The following TMEM120B variants were observed in gnomAD, a reference collection of about 807,000 sequenced individuals.
TMEM120B encodes the protein transmembrane protein 120B.
TMEM120B carries 31 observed loss-of-function variants against 55.5 expected under a neutral mutation model. The observed-to-expected ratio is 0.56, with a 90% CI of 0.42 to 0.75. TMEM120B has a LOEUF of 0.75. Among genes scored for constraint, TMEM120B ranks in the 30% least tolerant of loss-of-function variants. The pLI is 0.00. For synonymous variants in TMEM120B, 203 were observed against 176.3 expected (o/e 1.15, Z -1.20); for missense variants, 399 against 425.5 (o/e 0.94, Z 0.55).
chr12:121,763,088 GC>G (rs1478503331), intron 6 of TMEM120B, among the ~76,000 whole-genome samples: 3 of 151,344 alleles, frequency 2.0e-5, no homozygotes. Flanking sequence ...CCCATGACTT[GC>G]CACCTGGAGG....
chr12:121,752,658 CA>C (rs1873366799), intron 5 of TMEM120B, among the ~76,000 whole-genome samples: 2 of 152,014 alleles, frequency 1.3e-5, no homozygotes, highest in African/African-American at 4.8e-5. Flanking sequence ...AAGGGTGAGA[CA>C]GGAGAATCGC....
chr12:121,727,051 A>G (rs1168815289), intron 1 of TMEM120B, among the ~76,000 whole-genome samples: 5 of 151,538 alleles, frequency 3.3e-5, no homozygotes, highest in Admixed American at 3.3e-4. Flanking sequence ...TACAAAAATT[A>G]GTCAGTTTCA....
intron 6 of TMEM120B, among the ~76,000 whole-genome samples, chr12:121,767,253 C>T (rs1419626380): frequency 3.9e-5 from 6 of 152,126 alleles, no homozygotes; most frequent in African/African-American, 7.2e-5. Flanking sequence ...CTCCGCGTCC[C>T]GGGTTCACGC....
At chr12:121,749,275 A>G (rs980709650) in intron 3 of TMEM120B, among the ~76,000 whole-genome samples, 1 of 152,206 alleles carries the variant, frequency 6.6e-6, no homozygotes, top group Non-Finnish European at 1.5e-5. Context: ...GCAGCAGCCT[A>G]GCATTCGTGA....
intron 1 of TMEM120B, among the ~76,000 whole-genome samples, chr12:121,732,435 A>G (rs1052070693): frequency 1.3e-5 from 2 of 152,146 alleles, no homozygotes; most frequent in African/African-American, 2.4e-5. Context: ...ACTCTGGCCA[A>G]TGACAGAGCG....
chr12:121,736,386 T>C (rs1895115715), intron 1 of TMEM120B, among the ~76,000 whole-genome samples: 1 of 151,444 alleles, frequency 6.6e-6, no homozygotes, highest in African/African-American at 2.4e-5. Flanking sequence ...GCCAGGATTG[T>C]CTCGATCTCC....
In TMEM120B at chr12:121,780,950, G is replaced by A. The variant is rs1411775281; in HGVS notation, c.*5228G>A. On this transcript the variant is annotated 3_prime_UTR_variant, in exon 12 of 12. Coordinates refer to ENST00000449592, the MANE Select transcript of TMEM120B (RefSeq NM_001080825.2). Reference sequence around the variant, plus strand: ...CCTTGTCCTTCCTCAGGTCTGTCTTGCAGCCGATGAGCACCATGGGGATCC... The same window carrying A: ...CCTTGTCCTTCCTCAGGTCTGTCTTACAGCCGATGAGCACCATGGGGATCC... The A allele has an allele frequency of 1.9e-6, 3 of 1,613,992 alleles. No homozygotes were observed. The highest frequency in any genetic ancestry group is 1.7e-5 in the Admixed American group (1 of 60,018).
At chr12:121,768,281 C>T (rs1873912300) in intron 6 of TMEM120B, among the ~76,000 whole-genome samples, 1 of 152,212 alleles carries the variant, frequency 6.6e-6, no homozygotes, top group Non-Finnish European at 1.5e-5. Flanking sequence ...ACCTCCCAGG[C>T]ATCATTCATG....
intron 1 of TMEM120B, among the ~76,000 whole-genome samples, chr12:121,742,009 T>C (rs1872945975): frequency 6.8e-6 from 1 of 146,832 alleles, no homozygotes; most frequent in Non-Finnish European, 1.5e-5. Context: ...TTAACTTCCT[T>C]TTTTTTTTTT....
rs897759057 is a variant in TMEM120B, at chr12:121,714,557, CTTTTTTT to C, written c.69+1610_69+1616del. On this transcript the variant is annotated intron_variant, in intron 1 of 11. Transcript: ENST00000449592. The stretch of plus-strand genomic sequence containing the variant: ...CACTGTGCCTGGCCCTCAGCCACTT[CTTTTTTT>C]TTTTTTTTTTTTTTTTGAGATAGAG... Among the ~76,000 whole-genome samples, 15 of 100,238 alleles carry C rather than the reference CTTTTTTT, an allele frequency of 1.5e-4. 1 individual carries two copies. The Middle Eastern group carries it at 0.034, about 227-fold the overall frequency. The allele number at this position is 100,238 out of a possible 152,430, so 65.8% of individuals were successfully genotyped here.
chr12:121,748,356 G>T lies in TMEM120B; in HGVS notation c.219G>T (p.Ala73=), dbSNP rs1258781956. The T allele has an allele frequency of 6.2e-7, 1 of 1,611,080 alleles. No homozygotes were observed. Among genetic ancestry groups the T allele is most frequent in the Admixed American group, 1.7e-5 (1 of 59,854 alleles). ...RCKRHASREE[A]ELVQQMAANI... The stretch of plus-strand genomic sequence containing the variant: ...AACGCCATGCCAGTCGGGAGGAGGC[G>T]GAGCTCGTTCAGCAGATGGCAGCGA... The change falls in exon 3 of 12, where the codon GCG becomes GCT. Residue 73 remains alanine (A), a synonymous_variant. Transcript: ENST00000449592.
chr12:121,770,021 G>A (rs549486658), intron 6 of TMEM120B, among the ~76,000 whole-genome samples: 22 of 152,298 alleles, frequency 1.4e-4, no homozygotes, highest in African/African-American at 3.4e-4. Flanking sequence ...GCTTGCACTT[G>A]GACGAGGAGC....
intron 3 of TMEM120B, among the ~76,000 whole-genome samples, chr12:121,749,380 C>T (rs1017260730): frequency 7.9e-5 from 12 of 152,300 alleles, no homozygotes; most frequent in East Asian, 3.9e-4. Context: ...GGATTGCAAA[C>T]GATAGAAAAC....
chr12:121,735,743 T>C (rs996321998), intron 1 of TMEM120B, among the ~76,000 whole-genome samples: 2 of 150,798 alleles, frequency 1.3e-5, no homozygotes, highest in African/African-American at 2.4e-5. Flanking sequence ...CAGGCTGGAG[T>C]GCAGTGGCGC....
chr12:121,762,497 C>T (rs1006435440), intron 6 of TMEM120B, among the ~76,000 whole-genome samples: 10 of 152,166 alleles, frequency 6.6e-5, no homozygotes, highest in African/African-American at 2.4e-4. Context: ...TGTCCAGGTG[C>T]AGAATGGATC....
chr12:121,715,706 G>A (rs1386766913), intron 1 of TMEM120B, among the ~76,000 whole-genome samples: 30 of 152,062 alleles, frequency 2.0e-4, no homozygotes. Context: ...GATGGCTCCC[G>A]GTGTCAAGAT....
intron 5 of TMEM120B, among the ~76,000 whole-genome samples, chr12:121,755,085 G>T (rs1192661100): frequency 6.6e-6 from 1 of 152,210 alleles, no homozygotes; most frequent in African/African-American, 2.4e-5. Context: ...TTTGGGCTAA[G>T]ACTGGGCATA....
At chr12:121,717,215 T>G (rs764478709) in intron 1 of TMEM120B, among the ~76,000 whole-genome samples, 2 of 152,142 alleles carry the variant, frequency 1.3e-5, no homozygotes, top group Non-Finnish European at 2.9e-5. Context: ...TTAATGAGCA[T>G]TTCCTGCCTT....
chr12:121,753,993 C>G (rs1486241035), intron 5 of TMEM120B, among the ~76,000 whole-genome samples: 1 of 152,246 alleles, frequency 6.6e-6, no homozygotes, highest in Non-Finnish European at 1.5e-5. Flanking sequence ...CCTGCCTGGG[C>G]TGCTGTTCCT....
Sources: gnomAD v4.1 joint callset for allele counts (sites outside exome capture counted in the v4.1 genomes callset) on GRCh38, gnomAD v4.1.1 for gene constraint, MANE v1.5 for transcripts, NCBI Gene and HGNC (gene_info 2026-07-23, HGNC 2026-07-21) for gene names.